The following NUDT2 variants were observed in gnomAD, a reference collection of about 807,000 sequenced individuals.
NUDT2 encodes nudix hydrolase 2.
In NUDT2, 12 loss-of-function variants were observed where a neutral mutation model predicts 14.2. The ratio of observed to expected loss-of-function variants is 0.84; its 90% CI spans 0.54 to 1.37. NUDT2 has a LOEUF of 1.37. Among genes scored for constraint, NUDT2 ranks in the 40% most tolerant of loss-of-function variants. The pLI is 0.00. For missense variants in NUDT2, 167 were observed against 176.7 expected (o/e 0.95, Z 0.31); for synonymous variants, 67 against 67.4 (o/e 0.99, Z 0.03).
chr9:34,341,701 G>A (rs1399914789), intron 4 of NUDT2, among the ~76,000 whole-genome samples: 2 of 152,134 alleles, frequency 1.3e-5, no homozygotes, highest in Admixed American at 6.5e-5. Flanking sequence ...GTAGAGACAG[G>A]GTTTCACCAT....
At chr9:34,342,594 G>A (rs989829501) in intron 4 of NUDT2, among the ~76,000 whole-genome samples, 1 of 152,156 alleles carries the variant, frequency 6.6e-6, no homozygotes, top group African/African-American at 2.4e-5. Flanking sequence ...TTCACTCTCT[G>A]CAGAGAAGAG....
intron 1 of NUDT2, among the ~76,000 whole-genome samples, chr9:34,332,742 A>G (rs7039222): frequency 0.19 from 28,872 of 152,168 alleles, 3,047 homozygotes; most frequent in East Asian, 0.45. Flanking sequence ...CTCTGCAAGA[A>G]TGGAGTGGCA....
intron 4 of NUDT2, among the ~76,000 whole-genome samples, 157 bp from the exon 5 acceptor site, chr9:34,342,967 G>A (rs1292151405): frequency 1.3e-5 from 2 of 151,954 alleles, no homozygotes; most frequent in South Asian, 2.1e-4. Flanking sequence ...TCAAGGCTGC[G>A]GTGAGCTGAT....
Position 34,343,339 on chromosome 9 carries a change from C to G in NUDT2, c.343C>G (p.Arg115Gly). ...IRLSHEHQAY[R>G]WLGLEEACQL... is the part of the protein sequence containing the mutation. ...CCTCTCCCATGAGCACCAAGCCTAC[C>G]GCTGGCTGGGGCTGGAGGAGGCCTG... is the stretch of plus-strand genomic sequence containing the variant. Residue 115 changes from arginine to glycine, a missense_variant, in exon 5 of 5, where the codon CGC (arginine) becomes GGC (glycine). Arg to Gly is a moderately radical substitution (Grantham distance 125). Coordinates refer to ENST00000379158, the MANE Select transcript of NUDT2 (RefSeq NM_001161.5). The G allele has an allele frequency of 6.2e-7, 1 of 1,613,804 alleles. No individual in the cohort carries two copies. The highest frequency in any genetic ancestry group is 8.5e-7 in the Non-Finnish European group (1 of 1,179,976).
rs1838087315 is a variant in NUDT2, at chr9:34,336,317, G to A, written c.-176G>A. Reference sequence around the variant, plus strand: ...TTCACCAGTTCTACAGTGATGGGGTGCTTCCTTTTGGCTTCTGGAATGGGG... The same window carrying A: ...TTCACCAGTTCTACAGTGATGGGGTACTTCCTTTTGGCTTCTGGAATGGGG... On this transcript the variant is annotated 5_prime_UTR_variant, in exon 2 of 5. Coordinates refer to ENST00000379158, the MANE Select transcript of NUDT2 (RefSeq NM_001161.5). The A allele has an allele frequency of 6.6e-6, 1 of 152,160 alleles. No individual in the cohort carries two copies. Among genetic ancestry groups the A allele is most frequent in the African/African-American group, 2.4e-5 (1 of 41,436 alleles). The allele number at this position is 152,160 out of a possible 1,614,324, so 9.4% of individuals were successfully genotyped here.
At chr9:34,339,277 G>A in intron 4 of NUDT2, 111 bp downstream of exon 4, 3 of 1,303,494 alleles carry the variant, frequency 2.3e-6, no homozygotes, top group Non-Finnish European at 3.2e-6. Context: ...GCAAAAAGGG[G>A]TAGGGAAGGT....
In NUDT2 at chr9:34,329,770, A is replaced by G. The variant is rs530183871; in HGVS notation, c.-265+171A>G. Among the ~76,000 whole-genome samples, 23 of 152,306 alleles carry G rather than the reference A, an allele frequency of 1.5e-4. No homozygotes were observed. The East Asian group carries it at 4.3e-3, about 28-fold the overall frequency. On this transcript the variant is annotated intron_variant, in intron 1 of 4. Coordinates refer to ENST00000379158, the MANE Select transcript of NUDT2 (RefSeq NM_001161.5). The stretch of plus-strand genomic sequence containing the variant: ...GGCAGGCCAGGTCCCATCCGCTCTC[A>G]GGACCTCAGTTTTCCTGTCTGCACC...
intron 1 of NUDT2, among the ~76,000 whole-genome samples, chr9:34,333,595 T>C (rs1396638425): frequency 2.2e-5 from 3 of 134,814 alleles, no homozygotes. Flanking sequence ...TGCAGTGAGC[T>C]GTGATCATAC....
In NUDT2 at chr9:34,337,874, T is replaced by C. The variant is rs559215189; in HGVS notation, c.-151-839T>C. On this transcript the variant is annotated intron_variant, in intron 2 of 4. Transcript: ENST00000379158. ...CTTTTTTTGAGACAGAGTCTCACTC[T>C]GTCGCCAAGCTGGAGTGCAGTGGCC... is the stretch of plus-strand genomic sequence containing the variant. 3.4e-3 allele frequency among the ~76,000 whole-genome samples: 524 copies of C among 152,028 alleles called. 6 individuals carry two copies. The highest frequency in any genetic ancestry group is 0.012 in the African/African-American group (505 of 41,486).
At chr9:34,330,179 G>A (rs1300737271) in intron 1 of NUDT2, among the ~76,000 whole-genome samples, 2 of 152,174 alleles carry the variant, frequency 1.3e-5, no homozygotes, top group African/African-American at 2.4e-5. Context: ...CAAGGCGGGC[G>A]GATCACGAGG....
chr9:34,332,369 C>G (rs776843296), intron 1 of NUDT2, among the ~76,000 whole-genome samples: 2 of 152,286 alleles, frequency 1.3e-5, no homozygotes, highest in Admixed American at 1.3e-4. Context: ...TTCCATCTTA[C>G]GTTGCACAAA....
At chr9:34,342,614 A>G (rs1373414037) in intron 4 of NUDT2, among the ~76,000 whole-genome samples, 12 of 152,132 alleles carry the variant, frequency 7.9e-5, no homozygotes, top group Admixed American at 7.9e-4. Context: ...GGGAATGGAA[A>G]GGTGGGATTG....
intron 2 of NUDT2, among the ~76,000 whole-genome samples, chr9:34,338,039 T>C (rs1838135005): frequency 6.6e-6 from 1 of 151,070 alleles, no homozygotes; most frequent in African/African-American, 2.4e-5. Context: ...AGACAGGGTT[T>C]CACCATGTTG....
Position 34,343,527 on chromosome 9 carries a change from C to A in NUDT2, c.*87C>A. 1.6e-6 allele frequency: 2 copies of A among 1,257,646 alleles called. No homozygotes were observed. Among genetic ancestry groups the A allele is most frequent in the Non-Finnish European group, 2.1e-6 (2 of 930,564 alleles). 77.9% of individuals were successfully genotyped at this position (1,257,646 alleles called of 1,614,324 possible). A position where few individuals can be genotyped will look rare whatever the true frequency, so the allele number is the denominator to read the frequency against. The stretch of plus-strand genomic sequence containing the variant: ...ACCCTCAGGTCCAGGGAAGGTTGTG[C>A]TGGTATTTGGCTCATGACAGCCAAG... On this transcript the variant is annotated 3_prime_UTR_variant, in exon 5 of 5. Transcript: ENST00000379158.
At chr9:34,341,113 G>C (rs1820171739) in intron 4 of NUDT2, among the ~76,000 whole-genome samples, 3 of 152,214 alleles carry the variant, frequency 2.0e-5, no homozygotes, top group Non-Finnish European at 4.4e-5. Context: ...GGTGAAAAAA[G>C]AGGCAGAAGC....
At chr9:34,341,913 C>T (rs991568450) in intron 4 of NUDT2, among the ~76,000 whole-genome samples, 1 of 152,178 alleles carries the variant, frequency 6.6e-6, no homozygotes, top group South Asian at 2.1e-4. Flanking sequence ...TGAGTTCCTG[C>T]TCGCCATGAG....
intron 4 of NUDT2, among the ~76,000 whole-genome samples, chr9:34,340,019 C>T (rs1163026712): frequency 6.6e-6 from 1 of 151,978 alleles, no homozygotes; most frequent in East Asian, 1.9e-4. Context: ...ACTGCAACCT[C>T]CATCTCCCAG....
chr9:34,339,477 G>A (rs1838181310), intron 4 of NUDT2, among the ~76,000 whole-genome samples: 1 of 152,170 alleles, frequency 6.6e-6, no homozygotes, highest in African/African-American at 2.4e-5. Flanking sequence ...TGGGGACCTT[G>A]AGGTTGACTG....
chr9:34,334,435 T>C (rs1838034773), intron 1 of NUDT2, among the ~76,000 whole-genome samples: 1 of 152,232 alleles, frequency 6.6e-6, no homozygotes, highest in Non-Finnish European at 1.5e-5. Context: ...TATTGGATGC[T>C]GTGTTCCTTA....
Sources: allele counts gnomAD v4.1 joint callset (sites outside exome capture counted in the v4.1 genomes callset), GRCh38; gene constraint gnomAD v4.1.1; transcripts MANE v1.5; gene names NCBI Gene and HGNC (gene_info 2026-07-23, HGNC 2026-07-21).